Variants in PTPRD observed in about 807,000 individuals in gnomAD.
PTPRD encodes receptor-type tyrosine-protein phosphatase delta.
A neutral mutation model predicts 214.5 loss-of-function variants in PTPRD; 34 were observed. The ratio of observed to expected loss-of-function variants is 0.16; its 90% CI spans 0.12 to 0.21. The LOEUF is 0.21. Among genes scored for constraint, PTPRD ranks in the 10% least tolerant of loss-of-function variants. The pLI is 1.00. For synonymous variants in PTPRD, 1,128 were observed against 845.7 expected (o/e 1.33, Z -5.79); for missense variants, 2,545 against 2,398.7 (o/e 1.06, Z -1.27).
intron 8 of PTPRD, among the ~76,000 whole-genome samples, chr9:9,398,553 T>G (rs1713915560): frequency 1.3e-5 from 2 of 152,058 alleles, no homozygotes; most frequent in Admixed American, 1.3e-4. Flanking sequence ...AAAACTTGAC[T>G]GTTAAAGTCA....
rs1160409393 is a variant in PTPRD at position 8,825,845 on chromosome 9, C to T, written c.-103-91899G>A. On this transcript the variant is annotated intron_variant, in intron 11 of 45. Coordinates refer to ENST00000381196, the MANE Select transcript of PTPRD (RefSeq NM_002839.4). Reference sequence around the variant, plus strand: ...CCATGGCATTTGCAAACTGTCATGGCGCCAGTGAGAGTGTAGCAGCAAGGA... The same window carrying T: ...CCATGGCATTTGCAAACTGTCATGGTGCCAGTGAGAGTGTAGCAGCAAGGA... 4.6e-5 allele frequency among the ~76,000 whole-genome samples: 7 copies of T among 152,212 alleles called. No individual in the cohort carries two copies. In the East Asian group the frequency reaches 1.4e-3, roughly 29 times the overall value.
intron 7 of PTPRD, among the ~76,000 whole-genome samples, chr9:9,705,652 T>A (rs957196809): frequency 7.2e-5 from 11 of 152,124 alleles, no homozygotes; most frequent in Non-Finnish European, 1.0e-4. Flanking sequence ...TATCTTAAAA[T>A]ATATTTTAAA....
chr9:10,129,320 T>C (rs1232350315), intron 3 of PTPRD, among the ~76,000 whole-genome samples: 1 of 152,118 alleles, frequency 6.6e-6, no homozygotes, highest in Non-Finnish European at 1.5e-5. Context: ...ATCTTTTCTT[T>C]AATCATCAAA....
At chr9:8,683,898 G>C (rs896166782) in intron 12 of PTPRD, among the ~76,000 whole-genome samples, 18 of 152,200 alleles carry the variant, frequency 1.2e-4, no homozygotes, top group African/African-American at 4.3e-4. Flanking sequence ...TGCCATGCTA[G>C]AGAGAACTCA....
chr9:9,784,062 T>A (rs1050092240), intron 5 of PTPRD, among the ~76,000 whole-genome samples: 2 of 152,208 alleles, frequency 1.3e-5, no homozygotes, highest in South Asian at 4.1e-4. Context: ...CATCAATATG[T>A]CGTCAGACAG....
chr9:9,811,952 CTT>C (rs2047273318), intron 5 of PTPRD, among the ~76,000 whole-genome samples: 1 of 152,068 alleles, frequency 6.6e-6, no homozygotes, highest in South Asian at 2.1e-4. Context: ...ACGTGGCAAA[CTT>C]TACTGTTATC....
rs368745208 is a variant in PTPRD at position 10,104,371 on chromosome 9, G to C, written c.-544-70581C>G. On this transcript the variant is annotated intron_variant, in intron 3 of 45. Transcript: ENST00000381196. Reference sequence around the variant, plus strand: ...AATTAAAAAAAGAATTTAATGGCTTGATGAATTCTTTAAAAATATCTGTTG... The same window carrying C: ...AATTAAAAAAAGAATTTAATGGCTTCATGAATTCTTTAAAAATATCTGTTG... 4.6e-4 allele frequency among the ~76,000 whole-genome samples: 70 copies of C among 151,748 alleles called. 1 individual carries two copies. In the East Asian group the frequency reaches 0.014, roughly 30 times the overall value.
intron 5 of PTPRD, among the ~76,000 whole-genome samples, chr9:9,885,888 A>G (rs930933367): frequency 5.9e-5 from 9 of 151,998 alleles, no homozygotes; most frequent in Non-Finnish European, 1.2e-4. Context: ...CAAAAAGAAG[A>G]GAAGGGCCTA....
rs1301106308 is a variant in PTPRD, at chr9:9,150,424, TA to T, written c.-143+32879del. On this transcript the variant is annotated intron_variant, in intron 10 of 45. Transcript: ENST00000381196. ...AATTGAAACTATATATAAAAATACA[TA>T]ATATATTATATATAATATATATGTA... 4.7e-5 allele frequency among the ~76,000 whole-genome samples: 7 copies of T among 147,548 alleles called. No individual in the cohort carries two copies. In the East Asian group the frequency reaches 9.8e-4, roughly 21 times the overall value.
intron 2 of PTPRD, among the ~76,000 whole-genome samples, chr9:10,576,065 T>TA (rs1167702200): frequency 5.9e-5 from 9 of 152,106 alleles, no homozygotes; most frequent in South Asian, 4.2e-4. Context: ...TGTTGGAGTC[T>TA]AAAAAAAATA....
intron 7 of PTPRD, among the ~76,000 whole-genome samples, chr9:9,667,763 A>G (rs1178542361): frequency 6.6e-6 from 1 of 152,146 alleles, no homozygotes; most frequent in African/African-American, 2.4e-5. Context: ...GGCAGAAGGC[A>G]GGTTTTCAGA....
intron 3 of PTPRD, among the ~76,000 whole-genome samples, chr9:10,160,957 A>C (rs984765953): frequency 6.6e-6 from 1 of 151,896 alleles, no homozygotes; most frequent in Non-Finnish European, 1.5e-5. Context: ...CAATAAAACA[A>C]TCCCATTTGC....
intron 7 of PTPRD, among the ~76,000 whole-genome samples, chr9:9,636,992 G>A (rs1379639868): frequency 6.6e-6 from 1 of 151,886 alleles, no homozygotes; most frequent in African/African-American, 2.4e-5. Flanking sequence ...AAGCAGAAGT[G>A]AAAAAATAAT....
intron 11 of PTPRD, among the ~76,000 whole-genome samples, chr9:8,751,729 C>A (rs1054248989): frequency 2.0e-5 from 3 of 152,202 alleles, no homozygotes; most frequent in Admixed American, 1.3e-4. Context: ...GCTTTTAACA[C>A]CCCAACATGA....
chr9:9,434,921 G>A (rs4388501), intron 8 of PTPRD, among the ~76,000 whole-genome samples: 2 of 148,726 alleles, frequency 1.3e-5, no homozygotes, highest in African/African-American at 2.4e-5. Flanking sequence ...CTGATTTAAA[G>A]TATCCTCTGT....
intron 11 of PTPRD, among the ~76,000 whole-genome samples, chr9:8,867,591 C>T (rs951322298): frequency 2.0e-5 from 3 of 152,156 alleles, no homozygotes; most frequent in South Asian, 2.1e-4. Context: ...AAAAACAGGT[C>T]GTGTTCTAAG....
intron 3 of PTPRD, among the ~76,000 whole-genome samples, chr9:10,226,750 ATC>A (rs1176870794): frequency 6.6e-6 from 1 of 151,970 alleles, no homozygotes. Context: ...ATGAGATAAA[ATC>A]TGTGTGTATG....
intron 11 of PTPRD, among the ~76,000 whole-genome samples, chr9:8,995,497 ACT>A (rs1413868874): frequency 6.6e-6 from 1 of 152,038 alleles, no homozygotes; most frequent in Non-Finnish European, 1.5e-5. Flanking sequence ...ACAGTGGGTC[ACT>A]ATTTTACAGT....
At chr9:9,188,863 G>A (rs1358965380) in intron 9 of PTPRD, among the ~76,000 whole-genome samples, 2 of 151,110 alleles carry the variant, frequency 1.3e-5, no homozygotes, top group Admixed American at 1.3e-4. Context: ...GCATGTCTTG[G>A]AATCTTTTTA....
Sources: gnomAD v4.1 joint callset for allele counts (sites outside exome capture counted in the v4.1 genomes callset) on GRCh38, gnomAD v4.1.1 for gene constraint, MANE v1.5 for transcripts, NCBI Gene and HGNC (gene_info 2026-07-23, HGNC 2026-07-21) for gene names.